Variants in ZSCAN25 observed in about 807,000 individuals in gnomAD.
ZSCAN25 encodes the protein zinc finger and SCAN domain containing 25, also known as zinc finger and SCAN domain-containing protein 25.
A neutral mutation model predicts 38.7 loss-of-function variants in ZSCAN25; 27 were observed. The ratio of observed to expected loss-of-function variants is 0.70; its 90% CI spans 0.51 to 0.96. ZSCAN25 has a LOEUF of 0.96. Among genes scored for constraint, ZSCAN25 ranks in the 40% least tolerant of loss-of-function variants. The pLI, the probability that ZSCAN25 is intolerant of heterozygous loss-of-function variation, is 0.00. For synonymous variants in ZSCAN25, 273 were observed against 277.7 expected, an observed-to-expected ratio of 0.98 and a Z score of 0.17; for missense variants, 637 against 705.9, an observed-to-expected ratio of 0.90 and a Z score of 1.11.
chr7:99,715,710 G>A, the ZSCAN25 span: 1 of 1,612,880 alleles, frequency 6.2e-7, no homozygotes, highest in Non-Finnish European at 8.5e-7. Context: ...CAATAAAGCA[G>A]TTATTTTTAA....
the ZSCAN25 span, among the ~76,000 whole-genome samples, chr7:99,649,549 C>T: frequency 9.2e-5 from 14 of 152,164 alleles, no homozygotes; most frequent in Non-Finnish European, 1.3e-4. Context: ...CTTGGCTTCA[C>T]GTGAGAACTA....
Position 99,624,137 on chromosome 7 carries a change from C to T in ZSCAN25, c.762C>T (p.Cys254=). The T allele has an allele frequency of 6.2e-7, 1 of 1,613,994 alleles. No homozygotes were observed. The highest frequency in any genetic ancestry group is 8.5e-7 in the Non-Finnish European group (1 of 1,179,948). ...ATGTGACCCCAGCCCAGATAGACTG[C>T]TTTGGGGAGTATGTGGAACCGCAGG... ...WRHVTPAQID[C]FGEYVEPQDC... Residue 254 remains cysteine (C), a synonymous_variant, in exon 7 of 8, where the codon TGC becomes TGT. Coordinates refer to ENST00000394152, the MANE Select transcript of ZSCAN25 (RefSeq NM_145115.3).
At chr7:99,634,682 A>G (rs552734408), downstream of ZSCAN25, among the ~76,000 whole-genome samples, 1 of 152,338 alleles carries the variant, frequency 6.6e-6, no homozygotes, top group East Asian at 1.9e-4. Flanking sequence ...CTGTAGTCCT[A>G]GCTACTTGGG....
At chr7:99,734,624 C>G in the ZSCAN25 span, among the ~76,000 whole-genome samples, 1 of 148,500 alleles carries the variant, frequency 6.7e-6, no homozygotes, top group Non-Finnish European at 1.5e-5. Flanking sequence ...TCTTTTTTTT[C>G]TCTTTTTTTT....
chr7:99,723,271 A>G, the ZSCAN25 span, among the ~76,000 whole-genome samples: 24 of 152,272 alleles, frequency 1.6e-4, no homozygotes, highest in African/African-American at 5.5e-4. Context: ...ACAACGTTCC[A>G]TTATGACTTG....
At position 99,629,902 on chromosome 7, in the gene ZSCAN25, G is replaced by T. The variant is rs775401698; in HGVS notation, c.1517G>T (p.Arg506Ile). ...GGGGAGCGGCTGGTCCGACACCAGA[G>T]AATCCATACAGGGGAGAAGCCCTAC... ...SKGERLVRHQ[R>I]IHTGEKPYHC... is the part of the protein sequence containing the mutation. The change falls in exon 8 of 8, where the codon AGA becomes ATA. Residue 506 changes from arginine (R) to isoleucine (I), a missense_variant. Transcript: ENST00000394152. This position sits in a 1 kb window ranked among gnomAD's most constrained non-coding sequence, Gnocchi z 5.6. 1.9e-6 allele frequency: 3 copies of T among 1,614,222 alleles called. No individual in the cohort carries two copies. In the East Asian group the frequency reaches 6.7e-5, roughly 36 times the overall value.
chr7:99,687,537 A>G, the ZSCAN25 span, among the ~76,000 whole-genome samples: 14 of 152,244 alleles, frequency 9.2e-5, no homozygotes, highest in African/African-American at 1.2e-4. Flanking sequence ...GACCAAATCT[A>G]CGTCTCACTG....
At chr7:99,731,828 TTAGC>T in the ZSCAN25 span, among the ~76,000 whole-genome samples, 1 of 152,198 alleles carries the variant, frequency 6.6e-6, no homozygotes, top group Non-Finnish European at 1.5e-5. Context: ...CGAGCACCTT[TTAGC>T]TACACCTCAG....
At chr7:99,685,253 G>A in the ZSCAN25 span, 8 of 1,613,044 alleles carry the variant, frequency 5.0e-6, no homozygotes, top group Non-Finnish European at 5.9e-6. Flanking sequence ...AGTTAAACAA[G>A]CATATTGAGA....
At chr7:99,732,437 C>G in the ZSCAN25 span, among the ~76,000 whole-genome samples, 13 of 152,058 alleles carry the variant, frequency 8.5e-5, no homozygotes, top group African/African-American at 3.1e-4. Context: ...GCCAGACATG[C>G]TCATTTTTTT....
At position 99,619,029 on chromosome 7, in the gene ZSCAN25, C is replaced by T. The variant is rs140330663; in HGVS notation, c.-131-19C>T. The T allele has an allele frequency of 8.6e-3, 1,313 of 152,594 alleles. 10 individuals carry two copies. The highest frequency in any genetic ancestry group is 0.013 in the Non-Finnish European group (915 of 68,286). The allele number at this position is 152,594 out of a possible 1,614,324, so 9.5% of individuals were successfully genotyped here. A position where few individuals can be genotyped will look rare whatever the true frequency, so the allele number is the denominator to read the frequency against. On this transcript the variant is annotated intron_variant, in intron 2 of 7. Transcript: ENST00000394152. ...AGTTGCCCCCTGTTAACAGAGCACC[C>T]TACTTATTTTCTTTCTAGAACTTGT...
chr7:99,677,184 A>G, the ZSCAN25 span: 2 of 985,266 alleles, frequency 2.0e-6, no homozygotes, highest in Non-Finnish European at 2.4e-6. Flanking sequence ...CCTCCAACTG[A>G]TGGTTCTGGA....
At chr7:99,643,422 GC>G in the ZSCAN25 span, among the ~76,000 whole-genome samples, 10 of 151,832 alleles carry the variant, frequency 6.6e-5, no homozygotes, top group South Asian at 2.1e-3. Context: ...ACCCATTGCT[GC>G]CCCCCCTTTT....
chr7:99,670,093 C>T, the ZSCAN25 span, among the ~76,000 whole-genome samples: 1 of 152,170 alleles, frequency 6.6e-6, no homozygotes, highest in Non-Finnish European at 1.5e-5. Context: ...GATGCTGACT[C>T]TAGCAAGTCA....
At chr7:99,684,644 A>G in the ZSCAN25 span, among the ~76,000 whole-genome samples, 3 of 152,090 alleles carry the variant, frequency 2.0e-5, no homozygotes, top group Admixed American at 1.3e-4. Flanking sequence ...AGTTCTATAG[A>G]TTTCTCCTTA....
At chr7:99,710,754 A>G in the ZSCAN25 span, 9 of 1,613,772 alleles carry the variant, frequency 5.6e-6, no homozygotes, top group African/African-American at 1.2e-4. Context: ...AACTGTATCA[A>G]TTTCCTTCTG....
chr7:99,625,996 C>T (rs1402286451), intron 7 of ZSCAN25, among the ~76,000 whole-genome samples: 1 of 152,236 alleles, frequency 6.6e-6, no homozygotes. Flanking sequence ...GCCTGAGCTG[C>T]TTCACCTGTA....
At chr7:99,628,626 A>C (rs978615861) in intron 7 of ZSCAN25, among the ~76,000 whole-genome samples, 1 of 152,202 alleles carries the variant, frequency 6.6e-6, no homozygotes. Flanking sequence ...ATCTTCCCTG[A>C]GTCAGTCCCC....
chr7:99,705,722 A>G, the ZSCAN25 span: 2 of 1,182,806 alleles, frequency 1.7e-6, no homozygotes, highest in Admixed American at 2.1e-5. Context: ...TTTCAGCACT[A>G]TAAATCTTGG....
Sources: gnomAD v4.1 joint callset for allele counts (sites outside exome capture counted in the v4.1 genomes callset) on GRCh38, gnomAD v4.1.1 for gene constraint, Gnocchi (gnomAD v3.1) non-coding constraint, MANE v1.5 for transcripts, NCBI Gene and HGNC (gene_info 2026-07-23, HGNC 2026-07-21) for gene names.